Variants in TTN observed in about 807,000 individuals in gnomAD.
TTN encodes titin.
Under a neutral mutation model 3,223.0 loss-of-function variants are expected in TTN, and 1,525 were observed. The observed-to-expected ratio is 0.47, with a 90% CI of 0.45 to 0.49. TTN has a LOEUF of 0.49. TTN is among the 20% of genes least tolerant of loss of function. TTN has a pLI of 0.00. For synonymous variants in TTN, 14,094 were observed against 15,161.0 expected (o/e 0.93, Z 5.17); for missense variants, 40,786 against 43,424.0 (o/e 0.94, Z 5.40).
At chr2:178,626,747 T>C (rs1289290478) in intron 240 of TTN, among the ~76,000 whole-genome samples, 2 of 151,970 alleles carry the variant, frequency 1.3e-5, no homozygotes, top group Non-Finnish European at 2.9e-5. Context: ...GGGAAAAATT[T>C]GTTTTTTTAA....
rs397517791 is a variant in TTN at position 178,766,383 on chromosome 2, T to C, written c.9701A>G (p.Asn3234Ser). The change falls in exon 41 of 363, where the codon AAT becomes AGT. Residue 3234 changes from asparagine (N) to serine (S), a missense_variant and splice_region_variant. Asn to Ser is a conservative substitution (Grantham distance 46, BLOSUM62 1). Transcript: ENST00000589042. ...RNRSSVTLYV[N>S]APEPPQVLQE... is the part of the protein sequence containing the mutation. Reference sequence around the variant, plus strand: ...TGCTGAAATCTGTCCCTACATACCATTGACATAGAGAGTGACAGAACTCCT... The same window carrying C: ...TGCTGAAATCTGTCCCTACATACCACTGACATAGAGAGTGACAGAACTCCT... 1.2e-5 allele frequency: 20 copies of C among 1,603,636 alleles called. No individual in the cohort carries two copies. The highest frequency in any genetic ancestry group is 6.7e-5 in the East Asian group (3 of 44,814).
chr2:178,784,372 A>G lies in TTN; in HGVS notation c.2494-21T>C, dbSNP rs776796812. The G allele has an allele frequency of 4.3e-6, 7 of 1,613,550 alleles. No homozygotes were observed. The African/African-American group carries it at 8.0e-5, about 18-fold the overall frequency. ...GATGCCTACATGGAAACAGAGTCAGAAAATAAAGTCATTTAACCATCCTCC... is the reference window on the plus strand; with the variant it reads ...GATGCCTACATGGAAACAGAGTCAGGAAATAAAGTCATTTAACCATCCTCC... On this transcript the variant is annotated intron_variant, in intron 15 of 362. Transcript: ENST00000589042.
chr2:178,563,196 T>C lies in TTN; in HGVS notation c.82936A>G (p.Ile27646Val). 6.2e-7 allele frequency: 1 copy of C among 1,613,752 alleles called. No individual in the cohort carries two copies. Among genetic ancestry groups the C allele is most frequent in the Non-Finnish European group, 8.5e-7 (1 of 1,179,728 alleles). The change falls in exon 326 of 363, where the codon ATT becomes GTT. Residue 27646 changes from isoleucine to valine, a missense_variant. Physicochemically the swap from Ile to Val is conservative, Grantham distance 29. Transcript: ENST00000589042. The surrounding 1 kb of genome is among the most constrained non-coding windows in gnomAD (Gnocchi z 4.5). ...LKENTEYNFR[I>V]CAINSEGVGE... ...ACACCTTCAGAATTGATGGCACAAATACGGAAGTTATATTCAGTGTTTTCT... is the reference window on the plus strand; with the variant it reads ...ACACCTTCAGAATTGATGGCACAAACACGGAAGTTATATTCAGTGTTTTCT...
Position 178,740,036 on chromosome 2 carries a change from G to T in TTN, c.13197C>A (p.Ile4399=). The T allele has an allele frequency of 6.2e-7, 1 of 1,613,882 alleles. No homozygotes were observed. Among genetic ancestry groups the T allele is most frequent in the Non-Finnish European group, 8.5e-7 (1 of 1,179,828 alleles). The change falls in exon 48 of 363, where the codon ATC becomes ATA. Residue 4399 remains isoleucine (I), a synonymous_variant. Transcript: ENST00000589042. ...CCACGGCTGCTTGCAAAGCCCGGCA[G>T]ATTTGAATTTTCAGGTTTAATCTCT... ...EEQRLNLKIQ[I]CRALQAAVAS...
Position 178,547,913 on chromosome 2 carries a change from G to A in TTN, c.93713C>T (p.Pro31238Leu). ...KAGSPFTIDV[P>L]ISGRPAPKVT... ...TTTGGGGGCAGGACGACCACTGATT[G>A]GTACGTCAATGGTAAATGGGCTTCC... Residue 31238 changes from proline to leucine, a missense_variant, in exon 339 of 363, where the codon CCA becomes CTA. By Grantham distance (98) the Pro-to-Leu change is moderately conservative. Coordinates refer to ENST00000589042, the MANE Select transcript of TTN (RefSeq NM_001267550.2). The A allele has an allele frequency of 1.2e-6, 2 of 1,613,784 alleles. No individual in the cohort carries two copies. The highest frequency in any genetic ancestry group is 1.3e-5 in the African/African-American group (1 of 75,010).
intron 344 of TTN, 145 bp from the exon 345 acceptor site, chr2:178,544,651 T>G (rs1459875321): frequency 1.6e-6 from 1 of 632,352 alleles, no homozygotes; most frequent in Non-Finnish European, 2.7e-6. Context: ...GCTCCTGATA[T>G]TATAGGACAG....
rs1198675864 is a variant in TTN, at chr2:178,713,067, A to T, written c.27049+18T>A. On this transcript the variant is annotated intron_variant, in intron 93 of 362. Coordinates refer to ENST00000589042, the MANE Select transcript of TTN (RefSeq NM_001267550.2). ...TAAACTATGAAATGCAATTCATTTT[A>T]CTGTTTTGTAAACTGACCTCTCACA... 2.5e-6 allele frequency: 4 copies of T among 1,608,772 alleles called. No individual in the cohort carries two copies. In the Admixed American group the frequency reaches 6.7e-5, roughly 27 times the overall value.
chr2:178,642,055 T>A (rs1420405673), intron 219 of TTN, among the ~76,000 whole-genome samples, 182 bp downstream of exon 219: 1 of 151,758 alleles, frequency 6.6e-6, no homozygotes, highest in East Asian at 1.9e-4. Flanking sequence ...TTTCTGTCTT[T>A]TTTTTTTAAA....
At chr2:178,797,786 A>G (rs534495335) in intron 6 of TTN, among the ~76,000 whole-genome samples, 5 of 152,236 alleles carry the variant, frequency 3.3e-5, no homozygotes, top group African/African-American at 9.6e-5. Flanking sequence ...TGCTTTTGCC[A>G]TACATACATG....
At chr2:178,615,203 T>C in intron 259 of TTN, 104 bp downstream of exon 259, 2 of 1,371,494 alleles carry the variant, frequency 1.5e-6, no homozygotes, top group East Asian at 4.7e-5. Flanking sequence ...ACCGGCAGCA[T>C]AGGATTCTCA....
Position 178,542,368 on chromosome 2 carries a change from C to T in TTN, c.97388G>A (p.Arg32463Lys), listed in dbSNP as rs1257117887. Reference protein sequence around the residue: ...SVTRSTFKFTRLTEGNEYVFR... With the variant: ...SVTRSTFKFTKLTEGNEYVFR... ...CACATACTCATTTCCTTCGGTGAGT[C>T]TGGTAAACTTAAACGTGGACCTAGT... The change falls in exon 349 of 363, where the codon AGA becomes AAA. Residue 32463 changes from arginine (R) to lysine (K), a missense_variant. By Grantham distance (26) the Arg-to-Lys change is conservative (BLOSUM62 2). Transcript: ENST00000589042. 1.2e-6 allele frequency: 2 copies of T among 1,613,580 alleles called. No individual in the cohort carries two copies. Among genetic ancestry groups the T allele is most frequent in the Non-Finnish European group, 1.7e-6 (2 of 1,179,692 alleles).
chr2:178,630,296 A>G lies in TTN; in HGVS notation c.44226T>C (p.Gly14742=). The change falls in exon 239 of 363, where the codon GGT becomes GGC. Residue 14742 remains glycine, a synonymous_variant. Coordinates refer to ENST00000589042, the MANE Select transcript of TTN (RefSeq NM_001267550.2). The part of the protein sequence containing the change: ...VLHNCRLDQT[G]GVDFQAANVK... ...CATTGGCAGCTTGGAAATCCACCCC[A>G]CCCGTCTGGTCCAGGCGACAGTTGT... 6.2e-7 allele frequency: 1 copy of G among 1,612,942 alleles called. No individual in the cohort carries two copies. Among genetic ancestry groups the G allele is most frequent in the Non-Finnish European group, 8.5e-7 (1 of 1,179,416 alleles).
At chr2:178,765,882 C>A (rs755417118) in intron 41 of TTN, among the ~76,000 whole-genome samples, 9 of 152,042 alleles carry the variant, frequency 5.9e-5, no homozygotes, top group Non-Finnish European at 1.3e-4. Context: ...AAGTAAGAGC[C>A]CCTGTTCTTA....
rs2061295650 is a variant in TTN at position 178,641,966 on chromosome 2, G to T, written c.40558+271C>A. ...GGTTATGAAAATGGCAGTCATAGTT[G>T]TTGTTAGTTTAGAATATTATCAACT... On this transcript the variant is annotated intron_variant, in intron 219 of 362. Transcript: ENST00000589042. 2.0e-5 allele frequency among the ~76,000 whole-genome samples: 3 copies of T among 151,484 alleles called. No homozygotes were observed. The South Asian group carries it at 6.3e-4, about 32-fold the overall frequency.
rs747026598 is a variant in TTN, at chr2:178,599,725, G to C, written c.56176C>G (p.Pro18726Ala). 3 of 1,612,794 alleles carry C rather than the reference G, an allele frequency of 1.9e-6. No individual in the cohort carries two copies. The highest frequency in any genetic ancestry group is 1.3e-5 in the African/African-American group (1 of 74,840). The change falls in exon 289 of 363, where the codon CCT (proline) becomes GCT (alanine). Residue 18726 changes from proline (P) to alanine (A), a missense_variant. Physicochemically the swap from Pro to Ala is conservative, Grantham distance 27. Transcript: ENST00000589042. ...TAGAGAACAGGTTCTTTGTTATCAG[G>C]CTTCTTTGGAGGAGCTTTAAACCAG... The part of the protein sequence containing the change: ...LTWFKAPPKK[P>A]DNKEPVLYDT...
In TTN at chr2:178,664,852, C is replaced by G. The variant is rs1450640922; in HGVS notation, c.36118G>C (p.Val12040Leu). 2.5e-6 allele frequency: 4 copies of G among 1,611,510 alleles called. No homozygotes were observed. The highest frequency in any genetic ancestry group is 2.2e-5 in the South Asian group (2 of 90,894). Reference sequence around the variant, plus strand: ...ACCCTGAGAGCATGGTGACTTGTACCTTTAACTGATGGGGGTTCTCTTTTT... The same window carrying G: ...ACCCTGAGAGCATGGTGACTTGTACGTTTAACTGATGGGGGTTCTCTTTTT... Reference protein sequence around the residue: ...SKKREPPSVKVPEALQEIVPE... With the variant: ...SKKREPPSVKLPEALQEIVPE... Residue 12040 changes from valine (V) to leucine (L), a missense_variant and splice_region_variant, in exon 166 of 363, where the codon GTG (valine) becomes CTG (leucine). By Grantham distance (32) the Val-to-Leu change is conservative. Transcript: ENST00000589042.
chr2:178,620,589 A>G lies in TTN; in HGVS notation c.45932T>C (p.Ile15311Thr), dbSNP rs769964778. ...DLRIVEPLKD[I>T]ETMEKKSVTF... ...GACAGATTTCTTCTCCATTGTTTCA[A>G]TATCTTTAAGAGGCTCAACAATCCT... The change falls in exon 248 of 363, where the codon ATT becomes ACT. Residue 15311 changes from isoleucine to threonine, a missense_variant. Transcript: ENST00000589042. 1 of 1,611,044 alleles carries G rather than the reference A, an allele frequency of 6.2e-7. No individual in the cohort carries two copies.
intron 220 of TTN, 68 bp from the exon 221 acceptor site, chr2:178,640,698 C>A: frequency 7.7e-7 from 1 of 1,294,340 alleles, no homozygotes; most frequent in South Asian, 1.3e-5. Context: ...TCTGAAATAT[C>A]AATTTATTTT....
At chr2:178,800,261 C>G (rs1051785593) in intron 4 of TTN, 134 bp downstream of exon 4, 11 of 1,237,698 alleles carry the variant, frequency 8.9e-6, no homozygotes, top group Non-Finnish European at 1.2e-5. Flanking sequence ...TCATGGGTGT[C>G]GAAAAGCCAG....
Sources: allele counts gnomAD v4.1 joint callset (sites outside exome capture counted in the v4.1 genomes callset), GRCh38; gene constraint gnomAD v4.1.1; non-coding constraint Gnocchi (gnomAD v3.1); transcripts MANE v1.5; gene names NCBI Gene and HGNC (gene_info 2026-07-23, HGNC 2026-07-21).